Variants in FBXO36 observed in about 807,000 individuals in gnomAD.
FBXO36 encodes the protein F-box protein 36.
FBXO36 carries 18 observed loss-of-function variants against 17.0 expected under a neutral mutation model. The ratio of observed to expected loss-of-function variants is 1.06; its 90% CI spans 0.73 to 1.57. FBXO36 has a LOEUF of 1.57. Ranked by LOEUF, FBXO36 falls within the 40% of genes most tolerant of loss-of-function variation. The pLI is 0.00. For missense variants in FBXO36, 229 were observed against 221.9 expected (o/e 1.03, Z -0.20); for synonymous variants, 83 against 85.3 (o/e 0.97, Z 0.15).
At chr2:229,953,404 G>A (rs1433726952) in intron 1 of FBXO36, among the ~76,000 whole-genome samples, 1 of 151,772 alleles carries the variant, frequency 6.6e-6, no homozygotes, top group Non-Finnish European at 1.5e-5. Context: ...TGGCAGGTGT[G>A]GTGGCTCTTG....
intron 1 of FBXO36, chr2:229,973,224 A>G (rs908143368): frequency 6.6e-6 from 1 of 151,962 alleles, no homozygotes; most frequent in African/African-American, 2.4e-5. Flanking sequence ...AAGGGCTTCC[A>G]TTTTTCCCTG....
intron 3 of FBXO36, among the ~76,000 whole-genome samples, chr2:230,005,875 C>T (rs2077384623): frequency 6.6e-6 from 1 of 151,976 alleles, no homozygotes; most frequent in African/African-American, 2.4e-5. Flanking sequence ...ACCATTTTGG[C>T]CAGGCTGATC....
chr2:229,968,190 T>C (rs2077163568), intron 1 of FBXO36, among the ~76,000 whole-genome samples: 1 of 151,058 alleles, frequency 6.6e-6, no homozygotes, highest in Non-Finnish European at 1.5e-5. Flanking sequence ...TATATTTAAT[T>C]AGTATTAAAT....
intron 2 of FBXO36, among the ~76,000 whole-genome samples, chr2:229,993,856 C>T (rs769464103): frequency 6.6e-6 from 1 of 152,024 alleles, no homozygotes; most frequent in Non-Finnish European, 1.5e-5. Flanking sequence ...CTGCAACCTC[C>T]GCCATTCTCC....
intron 1 of FBXO36, among the ~76,000 whole-genome samples, chr2:229,959,145 CAT>C (rs1160947167): frequency 2.6e-5 from 4 of 152,054 alleles, no homozygotes; most frequent in Non-Finnish European, 5.9e-5. Context: ...CGTAAGTACC[CAT>C]GTTAGATTTT....
chr2:229,983,375 C>CA (rs144045262), intron 2 of FBXO36, among the ~76,000 whole-genome samples: 46,470 of 147,714 alleles, frequency 0.31, 7,541 homozygotes, highest in Middle Eastern at 0.44. Context: ...AACTCCATCT[C>CA]AAAAAAAAAA....
chr2:229,980,749 G>A (rs2077234935), intron 2 of FBXO36, among the ~76,000 whole-genome samples: 2 of 152,084 alleles, frequency 1.3e-5, no homozygotes, highest in Non-Finnish European at 2.9e-5. Context: ...CTCCCTGCTG[G>A]CTGTGTTCCT....
At chr2:229,935,363 A>G in intron 1 of FBXO36, among the ~76,000 whole-genome samples, 1 of 152,174 alleles carries the variant, frequency 6.6e-6, no homozygotes. Flanking sequence ...AATATCAAAC[A>G]TTAGCCAGAT....
At chr2:229,968,493 G>C (rs1379078734) in intron 1 of FBXO36, among the ~76,000 whole-genome samples, 1 of 151,914 alleles carries the variant, frequency 6.6e-6, no homozygotes, top group African/African-American at 2.4e-5. Flanking sequence ...GTTGAGACAG[G>C]GTCTTGCTTT....
intron 3 of FBXO36, among the ~76,000 whole-genome samples, chr2:230,002,903 T>G (rs1406519204): frequency 6.6e-6 from 1 of 152,114 alleles, no homozygotes; most frequent in Admixed American, 6.6e-5. Flanking sequence ...CAGTGGATGT[T>G]AGATCTTTCC....
chr2:229,976,948 T>C (rs2077211886), intron 2 of FBXO36: 1 of 152,136 alleles, frequency 6.6e-6, no homozygotes, highest in South Asian at 2.1e-4. Flanking sequence ...TGGGCTTTAC[T>C]GGCAAGGGCT....
At chr2:229,970,942 A>G (rs767164142) in intron 1 of FBXO36, among the ~76,000 whole-genome samples, 2 of 152,178 alleles carry the variant, frequency 1.3e-5, no homozygotes, top group Non-Finnish European at 2.9e-5. Flanking sequence ...CATTGTCTTA[A>G]TTTCCTGGCT....
intron 1 of FBXO36, among the ~76,000 whole-genome samples, chr2:229,949,564 C>CAG (rs1553805163): frequency 6.6e-6 from 1 of 151,030 alleles, no homozygotes; most frequent in African/African-American, 2.4e-5. Flanking sequence ...CACACACACA[C>CAG]AGATTAATCT....
At chr2:229,968,009 G>T (rs1347952619) in intron 1 of FBXO36, among the ~76,000 whole-genome samples, 2 of 151,928 alleles carry the variant, frequency 1.3e-5, no homozygotes, top group Non-Finnish European at 2.9e-5. Flanking sequence ...TCTGGTCCTG[G>T]ACTTTTTTTG....
At chr2:229,927,452 C>G (rs1479773606) in intron 1 of FBXO36, among the ~76,000 whole-genome samples, 2 of 152,092 alleles carry the variant, frequency 1.3e-5, no homozygotes, top group Non-Finnish European at 2.9e-5. Context: ...ATGTTGTCTT[C>G]TTTGTCCTCT....
chr2:229,939,232 T>G (rs1375673094), intron 1 of FBXO36: 1 of 985,172 alleles, frequency 1.0e-6, no homozygotes, highest in Non-Finnish European at 1.2e-6. Context: ...CAGATACAAC[T>G]TTCTACCTCG....
intron 2 of FBXO36, among the ~76,000 whole-genome samples, chr2:229,994,323 G>A (rs759766384): frequency 1.2e-4 from 18 of 152,030 alleles, no homozygotes; most frequent in Non-Finnish European, 2.1e-4. Context: ...ACTTTAGAGG[G>A]GCTTTGAATG....
intron 1 of FBXO36, among the ~76,000 whole-genome samples, chr2:229,949,394 A>G (rs1399897814): frequency 6.6e-6 from 1 of 152,208 alleles, no homozygotes; most frequent in Non-Finnish European, 1.5e-5. Context: ...GTAAATTAAA[A>G]TTATGTAAAA....
intron 2 of FBXO36, among the ~76,000 whole-genome samples, chr2:229,981,163 G>T (rs891105761): frequency 6.6e-6 from 1 of 152,050 alleles, no homozygotes; most frequent in African/African-American, 2.4e-5. Flanking sequence ...GGAGATAATG[G>T]TTACTCCATA....
Sources: allele counts gnomAD v4.1 joint callset (sites outside exome capture counted in the v4.1 genomes callset), GRCh38; gene constraint gnomAD v4.1.1; transcripts MANE v1.5; gene names NCBI Gene and HGNC (gene_info 2026-07-23, HGNC 2026-07-21).